The following CCDC7 variants were observed in gnomAD, a reference collection of about 807,000 sequenced individuals.
CCDC7 encodes coiled-coil domain containing 7, also known as coiled-coil domain-containing protein 7.
Under a neutral mutation model 196.9 loss-of-function variants are expected in CCDC7, and 183 were observed. The observed-to-expected ratio is 0.93, with a 90% CI of 0.82 to 1.05. CCDC7 has a LOEUF of 1.05. CCDC7 is among the 50% of genes least tolerant of loss of function. The probability of loss-of-function intolerance (pLI) is 0.00; values close to 1 mark genes in which losing one functional copy is unlikely to be tolerated. For missense variants in CCDC7, 1,540 were observed against 1,482.2 expected (o/e 1.04, Z -0.64); for synonymous variants, 525 against 484.6 (o/e 1.08, Z -1.10).
intron 32 of CCDC7, among the ~76,000 whole-genome samples, chr10:32,830,279 TAAAG>T (rs2092023187): frequency 6.7e-6 from 1 of 149,210 alleles, no homozygotes; most frequent in Non-Finnish European, 1.5e-5. Flanking sequence ...AATAGCTAAA[TAAAG>T]AAACATGTAC....
intron 41 of CCDC7, among the ~76,000 whole-genome samples, chr10:32,861,403 C>T (rs1225300353): frequency 6.6e-6 from 1 of 152,072 alleles, no homozygotes; most frequent in Non-Finnish European, 1.5e-5. Flanking sequence ...CTCCCTTACA[C>T]CTTATATAAA....
chr10:32,618,044 C>A (rs1353557949), intron 18 of CCDC7, among the ~76,000 whole-genome samples: 1 of 151,870 alleles, frequency 6.6e-6, no homozygotes, highest in Non-Finnish European at 1.5e-5. Context: ...TCTGATTTAA[C>A]CATAGCTACT....
At chr10:32,711,581 G>T (rs1004826342) in intron 24 of CCDC7, 39 bp from the exon 26 acceptor site, 6 of 1,248,062 alleles carry the variant, frequency 4.8e-6, no homozygotes, top group Middle Eastern at 1.9e-4. Flanking sequence ...TAGTAGATTT[G>T]TTTTTCTAGT....
intron 11 of CCDC7, among the ~76,000 whole-genome samples, chr10:32,523,002 A>G (rs2048105234): frequency 6.6e-6 from 1 of 151,582 alleles, no homozygotes; most frequent in African/African-American, 2.4e-5. Context: ...TTGTGGTTTT[A>G]TTTCATTGTT....
chr10:32,783,310 A>G (rs2081331878), intron 29 of CCDC7, among the ~76,000 whole-genome samples: 1 of 152,216 alleles, frequency 6.6e-6, no homozygotes, highest in South Asian at 2.1e-4. Flanking sequence ...TTTATAAATT[A>G]ACAAAAAACT....
At chr10:32,746,655 A>C (rs2074794835) in intron 28 of CCDC7, among the ~76,000 whole-genome samples, 1 of 152,082 alleles carries the variant, frequency 6.6e-6, no homozygotes, top group South Asian at 2.1e-4. Context: ...CACAGTCTCC[A>C]ATGCCCAATT....
intron 23 of CCDC7, among the ~76,000 whole-genome samples, chr10:32,692,972 T>C (rs2077261950): frequency 6.6e-6 from 1 of 152,138 alleles, no homozygotes. Flanking sequence ...AGCTATTTGC[T>C]CCCTATTCTA....
At chr10:32,454,584 A>G (rs2033891512) in intron 2 of CCDC7, among the ~76,000 whole-genome samples, 1 of 152,038 alleles carries the variant, frequency 6.6e-6, no homozygotes, top group African/African-American at 2.4e-5. Context: ...AGTTAAAAAA[A>G]AAACCACCAA....
At chr10:32,781,617 A>T (rs1271289420) in intron 29 of CCDC7, among the ~76,000 whole-genome samples, 1 of 152,208 alleles carries the variant, frequency 6.6e-6, no homozygotes, top group Non-Finnish European at 1.5e-5. Flanking sequence ...CCTTTCACGT[A>T]AAAACAGTAA....
chr10:32,616,415 T>C (rs539641388), intron 18 of CCDC7, among the ~76,000 whole-genome samples: 1 of 152,024 alleles, frequency 6.6e-6, no homozygotes, highest in African/African-American at 2.4e-5. Flanking sequence ...TTCATTTTTA[T>C]AGCCATTGTG....
chr10:32,596,997 T>C (rs111988843), intron 18 of CCDC7, among the ~76,000 whole-genome samples: 1,930 of 152,268 alleles, frequency 0.013, 48 homozygotes, highest in African/African-American at 0.045. Flanking sequence ...TTGACAATTA[T>C]GCGTCTTGGG....
intron 25 of CCDC7, among the ~76,000 whole-genome samples, chr10:32,721,490 ACAC>A (rs2082410598): frequency 6.6e-6 from 1 of 152,174 alleles, no homozygotes; most frequent in South Asian, 2.1e-4. Flanking sequence ...GTTGGTCAGA[ACAC>A]CACTCAAAAA....
intron 11 of CCDC7, among the ~76,000 whole-genome samples, chr10:32,523,165 T>C (rs551562685): frequency 2.0e-4 from 30 of 152,360 alleles, no homozygotes; most frequent in Admixed American, 3.3e-4. Context: ...TCTATAAATA[T>C]CTGTTAGTTC....
exon 23 of CCDC7, chr10:32,689,067 C>A: frequency 6.3e-7 from 1 of 1,593,652 alleles, no homozygotes; most frequent in South Asian, 1.1e-5. Flanking sequence ...TGATAAAGAA[C>A]CAAATGAAAA....
intron 28 of CCDC7, among the ~76,000 whole-genome samples, chr10:32,750,227 A>G (rs956385563): frequency 1.1e-4 from 17 of 152,134 alleles, no homozygotes; most frequent in Non-Finnish European, 2.2e-4. Flanking sequence ...TCATTGCTGT[A>G]TGAAGGCACT....
chr10:32,651,623 TCAGGGTGAGAGAGCTTATCA>T (rs1171302674), intron 20 of CCDC7, among the ~76,000 whole-genome samples: 1 of 152,092 alleles, frequency 6.6e-6, no homozygotes, highest in Non-Finnish European at 1.5e-5. Flanking sequence ...ATTTAAGGGT[TCAGGGTGAGAGAGCTTATCA>T]CAGGGTAGGA....
At chr10:32,525,057 G>T (rs1489959216) in intron 11 of CCDC7, among the ~76,000 whole-genome samples, 1 of 150,962 alleles carries the variant, frequency 6.6e-6, no homozygotes, top group African/African-American at 2.4e-5. Flanking sequence ...GCTTCATTGT[G>T]TGTTTTTTTT....
intron 21 of CCDC7, 87 bp from the exon 23 acceptor site, chr10:32,685,883 G>A: frequency 1.4e-6 from 1 of 734,222 alleles, no homozygotes; most frequent in South Asian, 1.9e-5. Context: ...GAATGCTCAT[G>A]TAAATGTTTT....
chr10:32,463,156 G>T, intron 5 of CCDC7, 107 bp downstream of exon 6: 1 of 1,400,000 alleles, frequency 7.1e-7, no homozygotes, highest in South Asian at 1.3e-5. Flanking sequence ...TTGAATAACT[G>T]TTGGTTATAA....
Sources: allele counts gnomAD v4.1 joint callset (sites outside exome capture counted in the v4.1 genomes callset), GRCh38; gene constraint gnomAD v4.1.1; transcripts MANE v1.5; gene names NCBI Gene and HGNC (gene_info 2026-07-23, HGNC 2026-07-21).